Variants in LAMA2 observed in about 807,000 individuals in gnomAD.
The protein encoded by LAMA2 is laminin subunit alpha-2.
LAMA2 carries 269 observed loss-of-function variants against 364.8 expected under a neutral mutation model. The observed-to-expected ratio is 0.74, with a 90% CI of 0.67 to 0.82. The LOEUF (loss-of-function observed/expected upper bound fraction) is 0.82, where lower values mean the gene tolerates loss of function less well. Ranked by LOEUF, LAMA2 falls within the 40% of genes least tolerant of loss-of-function variation. The pLI is 0.00. For synonymous variants in LAMA2, 1,379 were observed against 1,370.6 expected (o/e 1.01, Z -0.14); for missense variants, 3,807 against 3,873.2 (o/e 0.98, Z 0.45).
intron 1 of LAMA2, among the ~76,000 whole-genome samples, chr6:129,038,771 A>G (rs1214563775): frequency 6.6e-6 from 1 of 152,174 alleles, no homozygotes; most frequent in Non-Finnish European, 1.5e-5. Context: ...CCTTGGCAGG[A>G]GGTAGGACAC....
intron 12 of LAMA2, among the ~76,000 whole-genome samples, chr6:129,197,215 G>A (rs1037152325): frequency 2.0e-5 from 3 of 152,028 alleles, no homozygotes; most frequent in Non-Finnish European, 4.4e-5. Flanking sequence ...TGTCTCTTGG[G>A]GAAATTTGCA....
rs565460491 is a variant in LAMA2 at position 129,423,121 on chromosome 6, A to G, written c.5866-4631A>G. Among the ~76,000 whole-genome samples, 9 of 152,180 alleles carry G rather than the reference A, an allele frequency of 5.9e-5. No individual in the cohort carries two copies. In the East Asian group the frequency reaches 1.2e-3, roughly 20 times the overall value. ...TCAATTGATACAGCAAAGGCATTTG[A>G]CAAAATGCGTCTATTTTTTTTTAAA... On this transcript the variant is annotated intron_variant, in intron 40 of 64. Coordinates refer to ENST00000421865, the MANE Select transcript of LAMA2 (RefSeq NM_000426.4).
At chr6:128,961,346 TATATATATATATATATA>T (rs1781498659) in intron 1 of LAMA2, among the ~76,000 whole-genome samples, 1 of 72,000 alleles carries the variant, frequency 1.4e-5, no homozygotes, top group Non-Finnish European at 2.9e-5. Context: ...TATATATATA[TATATATATATATATATA>T]TATATTAGTT....
In LAMA2 at chr6:128,993,542, G is replaced by GCCTGTAT. The variant is rs374646222; in HGVS notation, c.113-56372_113-56366dup. Among the ~76,000 whole-genome samples, 1,258 of 152,272 alleles carry GCCTGTAT rather than the reference G, an allele frequency of 8.3e-3. 26 individuals are homozygous for GCCTGTAT. Among genetic ancestry groups the GCCTGTAT allele is most frequent in the African/African-American group, 0.029 (1,185 of 41,544 alleles). ...TCAGTATATACATGAAAGACACTCTGCCTGTATCCTTGCTCCTCTATTTTT... is the reference window on the plus strand; with the variant it reads ...TCAGTATATACATGAAAGACACTCTGCCTGTATCCTGTATCCTTGCTCCTCTATTTTT... On this transcript the variant is annotated intron_variant, in intron 1 of 64. Coordinates refer to ENST00000421865, the MANE Select transcript of LAMA2 (RefSeq NM_000426.4).
chr6:129,287,708 T>G, intron 18 of LAMA2, 139 bp from the exon 19 acceptor site: 3 of 774,276 alleles, frequency 3.9e-6, no homozygotes, highest in South Asian at 1.4e-5. Flanking sequence ...AAACATTTTT[T>G]TAATCACGTT....
chr6:129,076,767 T>G lies in LAMA2; in HGVS notation c.396+16871T>G, dbSNP rs1439910542. Among the ~76,000 whole-genome samples, 8 of 151,992 alleles carry G rather than the reference T, an allele frequency of 5.3e-5. No individual in the cohort carries two copies. The East Asian group carries it at 1.5e-3, about 29-fold the overall frequency. On this transcript the variant is annotated intron_variant, in intron 3 of 64. Transcript: ENST00000421865. ...TAAATATTAAAAGTAATACATTCCCTTGTCAAAACACTTCATTTTTGTTTG... is the reference window on the plus strand; with the variant it reads ...TAAATATTAAAAGTAATACATTCCCGTGTCAAAACACTTCATTTTTGTTTG...
At chr6:128,884,135 C>T (rs936715125) in intron 1 of LAMA2, among the ~76,000 whole-genome samples, 1 of 152,034 alleles carries the variant, frequency 6.6e-6, no homozygotes, top group Non-Finnish European at 1.5e-5. Context: ...AACTTATTCT[C>T]CTCAGAGCCT....
chr6:129,316,080 A>T lies in LAMA2; in HGVS notation c.3967A>T (p.Thr1323Ser). 6.2e-7 allele frequency: 1 copy of T among 1,612,552 alleles called. No individual in the cohort carries two copies. The highest frequency in any genetic ancestry group is 8.5e-7 in the Non-Finnish European group (1 of 1,178,564). ...TGGGGATGATCCTCGAGTCCATAGA[A>T]CTGTGACCCGAGAAGACTTCTTGGA... ...YYGDDPRVHRTVTREDFLDIL... is the reference protein window; with the variant it reads ...YYGDDPRVHRSVTREDFLDIL... Residue 1323 changes from threonine (T) to serine (S), a missense_variant, in exon 27 of 65, where the codon ACT becomes TCT. By Grantham distance (58) the Thr-to-Ser change is moderately conservative (BLOSUM62 1). Transcript: ENST00000421865.
chr6:129,265,769 A>T (rs959032072), intron 15 of LAMA2, among the ~76,000 whole-genome samples: 1 of 152,010 alleles, frequency 6.6e-6, no homozygotes, highest in Non-Finnish European at 1.5e-5. Context: ...AATGTAGATG[A>T]TGGGTTGATG....
At chr6:128,942,955 A>G (rs1025754545) in intron 1 of LAMA2, among the ~76,000 whole-genome samples, 1 of 152,324 alleles carries the variant, frequency 6.6e-6, no homozygotes, top group Non-Finnish European at 1.5e-5. Context: ...CATCTGTGCA[A>G]GATTTTCTCA....
At chr6:129,123,103 G>A (rs967174988) in intron 4 of LAMA2, among the ~76,000 whole-genome samples, 14 of 152,026 alleles carry the variant, frequency 9.2e-5, no homozygotes, top group African/African-American at 3.4e-4. Context: ...AGGAGTTCGA[G>A]AGCAGCCTGG....
Position 129,250,292 on chromosome 6 carries a change from C to G in LAMA2, c.1884+79C>G, listed in dbSNP as rs569464249. On this transcript the variant is annotated intron_variant, in intron 13 of 64. Coordinates refer to ENST00000421865, the MANE Select transcript of LAMA2 (RefSeq NM_000426.4). ...TACCAGTACTGTATTTTTTACCTGC[C>G]TGGTTTGACACTGACTTACAGGACT... 1,536 of 884,806 alleles carry G rather than the reference C, an allele frequency of 1.7e-3. 30 individuals carry two copies. In the South Asian group the frequency reaches 0.02, roughly 11 times the overall value. The allele number at this position is 884,806 out of a possible 1,614,324, so 54.8% of individuals were successfully genotyped here. A position where few individuals can be genotyped will look rare whatever the true frequency, so the allele number is the denominator to read the frequency against.
chr6:129,319,430 ACTT>A (rs1173511525), intron 27 of LAMA2, among the ~76,000 whole-genome samples: 7 of 152,126 alleles, frequency 4.6e-5, no homozygotes, highest in Admixed American at 1.3e-4. Flanking sequence ...AATATACTAA[ACTT>A]CTTATGATTT....
intron 34 of LAMA2, among the ~76,000 whole-genome samples, chr6:129,379,935 C>G (rs1778586761): frequency 6.6e-6 from 1 of 152,090 alleles, no homozygotes. Flanking sequence ...TCATTGTATC[C>G]ACCAATCACC....
chr6:129,397,763 T>TA (rs1391200744), intron 37 of LAMA2, among the ~76,000 whole-genome samples: 1 of 149,488 alleles, frequency 6.7e-6, no homozygotes, highest in African/African-American at 2.5e-5. Context: ...AAAATGAAAA[T>TA]TAAAAAAAAA....
chr6:129,098,935 G>C (rs1775344616), intron 4 of LAMA2, among the ~76,000 whole-genome samples: 1 of 152,170 alleles, frequency 6.6e-6, no homozygotes, highest in Admixed American at 6.5e-5. Flanking sequence ...TAATGTGCAG[G>C]AAGTCTTAGG....
intron 1 of LAMA2, among the ~76,000 whole-genome samples, chr6:128,906,478 G>A (rs1314201830): frequency 1.7e-5 from 2 of 120,086 alleles, no homozygotes; most frequent in African/African-American, 6.8e-5. Flanking sequence ...TTTTTGATGG[G>A]GTTGTTTGTT....
intron 1 of LAMA2, among the ~76,000 whole-genome samples, chr6:128,943,458 A>AC (rs1247606833): frequency 6.9e-6 from 1 of 144,404 alleles, no homozygotes; most frequent in Admixed American, 6.8e-5. Context: ...TAGTTATTGT[A>AC]CTTTTTTTTT....
chr6:128,972,599 G>A (rs1358752477), intron 1 of LAMA2, among the ~76,000 whole-genome samples: 2 of 152,092 alleles, frequency 1.3e-5, no homozygotes, highest in African/African-American at 2.4e-5. Context: ...GGGTATTGAT[G>A]GGACTAGAGT....
Sources: gnomAD v4.1 joint callset for allele counts (sites outside exome capture counted in the v4.1 genomes callset) on GRCh38, gnomAD v4.1.1 for gene constraint, MANE v1.5 for transcripts, NCBI Gene and HGNC (gene_info 2026-07-23, HGNC 2026-07-21) for gene names.